STOX1: variants seen among roughly 807,000 people sequenced by gnomAD.
STOX1 encodes storkhead-box protein 1.
Under a neutral mutation model 74.8 loss-of-function variants are expected in STOX1, and 57 were observed. The observed-to-expected ratio is 0.76, with a 90% CI of 0.62 to 0.95. The LOEUF (loss-of-function observed/expected upper bound fraction) is 0.95. Ranked by LOEUF, STOX1 falls within the 40% of genes least tolerant of loss-of-function variation. STOX1 has a pLI of 0.00. For synonymous variants in STOX1, 375 were observed against 401.3 expected (o/e 0.93, Z 0.78); for missense variants, 1,010 against 1,117.0 (o/e 0.90, Z 1.37).
chr10:68,839,536 G>A (rs1476256060), intron 1 of STOX1, among the ~76,000 whole-genome samples: 1 of 152,032 alleles, frequency 6.6e-6, no homozygotes, highest in African/African-American at 2.4e-5. Context: ...TGGCTTGGGG[G>A]CTGCCTGAAA....
Position 68,885,104 on chromosome 10 carries a change from G to A in STOX1, c.1308G>A (p.Arg436=). ...CTCGAAGGGATAGACACAAAGCCAG[G>A]AATCAGGGAAGTGAGTTTCAGCCAG... ...GHSRRDRHKA[R]NQGSEFQPGS... The change falls in exon 3 of 4, where the codon AGG becomes AGA. Residue 436 remains arginine, a synonymous_variant. Coordinates refer to ENST00000298596, the MANE Select transcript of STOX1 (RefSeq NM_152709.5). The A allele has an allele frequency of 1.2e-6, 2 of 1,613,150 alleles. No homozygotes were observed. The highest frequency in any genetic ancestry group is 1.7e-6 in the Non-Finnish European group (2 of 1,179,448).
intron 1 of STOX1, among the ~76,000 whole-genome samples, chr10:68,873,010 C>CT (rs372863380): frequency 9.3e-5 from 14 of 150,980 alleles, no homozygotes; most frequent in Non-Finnish European, 1.6e-4. Context: ...AAAATAAACA[C>CT]TTTTTTTTTC....
At chr10:68,866,495 T>C (rs1840406874) in intron 1 of STOX1, among the ~76,000 whole-genome samples, 1 of 152,334 alleles carries the variant, frequency 6.6e-6, no homozygotes, top group African/African-American at 2.4e-5. Flanking sequence ...TTTCACTTTT[T>C]CCTAGTCCCA....
At chr10:68,840,550 T>TTTTATTTA (rs59043042) in intron 1 of STOX1, among the ~76,000 whole-genome samples, 91,100 of 151,146 alleles carry the variant, frequency 0.6, 29,075 homozygotes, top group Non-Finnish European at 0.7. Flanking sequence ...GGTTATTTTG[T>TTTTATTTA]TTTATTTATT....
rs1284481504 is a variant in STOX1, at chr10:68,892,634, A to G, written c.2868A>G (p.Leu956=). ...ATAATTCAGTCATTTTGGATGGACT[A>G]AAAAGAAGACAGAATTTTCTGCAAA... ...GSNNSVILDG[L]KRRQNFLQNV... The change falls in exon 4 of 4, where the codon CTA becomes CTG. Residue 956 remains leucine, a synonymous_variant. Coordinates refer to ENST00000298596, the MANE Select transcript of STOX1 (RefSeq NM_152709.5). 1.9e-6 allele frequency: 3 copies of G among 1,613,608 alleles called. No individual in the cohort carries two copies. The highest frequency in any genetic ancestry group is 2.2e-5 in the South Asian group (2 of 91,078).
intron 2 of STOX1, among the ~76,000 whole-genome samples, chr10:68,882,369 G>A (rs965955502): frequency 6.6e-6 from 1 of 152,070 alleles, no homozygotes; most frequent in East Asian, 1.9e-4. Flanking sequence ...GGAAAGGAGT[G>A]CAAAATGAGA....
Position 68,884,298 on chromosome 10 carries a change from C to T in STOX1, c.502C>T (p.Leu168=), listed in dbSNP as rs762710540. 1 of 1,614,136 alleles carries T rather than the reference C, an allele frequency of 6.2e-7. No homozygotes were observed. Among genetic ancestry groups the T allele is most frequent in the Non-Finnish European group, 8.5e-7 (1 of 1,180,028 alleles). ...ATCGGAAGATATTCTTTATACCACTCTGGGAACGCTGATTAAAGAAAGGAA... is the reference window on the plus strand; with the variant it reads ...ATCGGAAGATATTCTTTATACCACTTTGGGAACGCTGATTAAAGAAAGGAA... ...IPSEDILYTT[L]GTLIKERKIY... Residue 168 remains leucine, a synonymous_variant, in exon 3 of 4, where the codon CTG becomes TTG. Coordinates refer to ENST00000298596, the MANE Select transcript of STOX1 (RefSeq NM_152709.5).
Position 68,885,102 on chromosome 10 carries a change from A to G in STOX1, c.1306A>G (p.Arg436Gly). The G allele has an allele frequency of 1.9e-6, 3 of 1,613,316 alleles. No individual in the cohort carries two copies. Among genetic ancestry groups the G allele is most frequent in the African/African-American group, 1.3e-5 (1 of 74,980 alleles). The part of the protein sequence containing the change: ...GHSRRDRHKA[R>G]NQGSEFQPGS... ...TTCTCGAAGGGATAGACACAAAGCC[A>G]GGAATCAGGGAAGTGAGTTTCAGCC... Residue 436 changes from arginine (R) to glycine (G), a missense_variant, in exon 3 of 4, where the codon AGG becomes GGG. Coordinates refer to ENST00000298596, the MANE Select transcript of STOX1 (RefSeq NM_152709.5).
chr10:68,868,247 C>T (rs895288993), intron 1 of STOX1, among the ~76,000 whole-genome samples: 8 of 152,162 alleles, frequency 5.3e-5, no homozygotes, highest in South Asian at 2.1e-4. Flanking sequence ...CTGAGAGCCT[C>T]GAACAGAGTT....
chr10:68,833,232 C>T (rs564411086), intron 1 of STOX1, among the ~76,000 whole-genome samples: 7 of 152,092 alleles, frequency 4.6e-5, no homozygotes, highest in East Asian at 3.9e-4. Flanking sequence ...ACTATAGGCG[C>T]GTGCCAGCAC....
intron 3 of STOX1, among the ~76,000 whole-genome samples, chr10:68,890,424 A>G (rs1175693264): frequency 1.3e-5 from 2 of 152,006 alleles, no homozygotes; most frequent in African/African-American, 4.8e-5. Flanking sequence ...TGGTCTCTCA[A>G]AGTGCTAGGG....
At chr10:68,854,383 C>T (rs1195849029) in intron 1 of STOX1, among the ~76,000 whole-genome samples, 2 of 151,846 alleles carry the variant, frequency 1.3e-5, no homozygotes, top group Non-Finnish European at 2.9e-5. Flanking sequence ...GCAGCCTTGA[C>T]CTCTCTGGGC....
In STOX1 at chr10:68,885,192, A is replaced by T. The variant is rs1278736558; in HGVS notation, c.1396A>T (p.Ser466Cys). 6.2e-7 allele frequency: 1 copy of T among 1,614,096 alleles called. No homozygotes were observed. Among genetic ancestry groups the T allele is most frequent in the African/African-American group, 1.3e-5 (1 of 74,922 alleles). The change falls in exon 3 of 4, where the codon AGC becomes TGC. Residue 466 changes from serine to cysteine, a missense_variant. By Grantham distance (112) the Ser-to-Cys change is moderately radical. Coordinates refer to ENST00000298596, the MANE Select transcript of STOX1 (RefSeq NM_152709.5). Reference protein sequence around the residue: ...PATQPIPRIKSPNEMVGQKPL... With the variant: ...PATQPIPRIKCPNEMVGQKPL... ...TACACAGCCCATCCCCAGAATTAAAAGCCCAAATGAAATGGTAGGTCAGAA... is the reference window on the plus strand; with the variant it reads ...TACACAGCCCATCCCCAGAATTAAATGCCCAAATGAAATGGTAGGTCAGAA...
At chr10:68,834,357 C>A (rs1839488558) in intron 1 of STOX1, among the ~76,000 whole-genome samples, 1 of 152,128 alleles carries the variant, frequency 6.6e-6, no homozygotes, top group African/African-American at 2.4e-5. Context: ...AAGAATTGGG[C>A]AAGTCTCTGG....
chr10:68,859,117 C>T (rs1174624638), intron 1 of STOX1, among the ~76,000 whole-genome samples: 2 of 152,038 alleles, frequency 1.3e-5, no homozygotes, highest in African/African-American at 4.8e-5. Context: ...CTGAAATATA[C>T]ATGATGTTAG....
intron 1 of STOX1, among the ~76,000 whole-genome samples, chr10:68,863,308 A>G (rs553200274): frequency 1.3e-5 from 2 of 152,188 alleles, no homozygotes; most frequent in African/African-American, 2.4e-5. Context: ...GATCACCGCT[A>G]TCATAGCTAT....
At chr10:68,872,422 C>T (rs1284777943) in intron 1 of STOX1, among the ~76,000 whole-genome samples, 2 of 149,758 alleles carry the variant, frequency 1.3e-5, no homozygotes, top group East Asian at 2.0e-4. Context: ...CTCGGCTCAC[C>T]GCAACCTCCA....
intron 1 of STOX1, among the ~76,000 whole-genome samples, chr10:68,838,980 C>G (rs1362963841): frequency 6.6e-6 from 1 of 151,308 alleles, no homozygotes; most frequent in African/African-American, 2.4e-5. Flanking sequence ...GAAAAGCATT[C>G]AGTTTTTCAC....
intron 1 of STOX1, among the ~76,000 whole-genome samples, chr10:68,868,389 T>G (rs1840459660): frequency 6.6e-6 from 1 of 152,246 alleles, no homozygotes; most frequent in Admixed American, 6.5e-5. Context: ...AACATGTCCT[T>G]AAGGCACAGA....
Sources: allele counts gnomAD v4.1 joint callset (sites outside exome capture counted in the v4.1 genomes callset), GRCh38; gene constraint gnomAD v4.1.1; transcripts MANE v1.5; gene names NCBI Gene and HGNC (gene_info 2026-07-23, HGNC 2026-07-21).